Variants in AHDC1 observed in about 807,000 individuals in gnomAD.
AHDC1 encodes AT-hook DNA binding motif containing 1.
A neutral mutation model predicts 87.9 loss-of-function variants in AHDC1; 7 were observed. The ratio of observed to expected loss-of-function variants is 0.08; its 90% CI spans 0.05 to 0.15. The LOEUF (loss-of-function observed/expected upper bound fraction) is 0.15, where lower values mean the gene tolerates loss of function less well. Ranked by LOEUF, AHDC1 falls within the 10% of genes least tolerant of loss-of-function variation. The pLI, the probability that AHDC1 is intolerant of heterozygous loss-of-function variation, is 1.00. For missense variants in AHDC1, 1,841 were observed against 2,253.2 expected, an observed-to-expected ratio of 0.82 and a Z score of 3.70; for synonymous variants, 1,051 against 1,006.8, an observed-to-expected ratio of 1.04 and a Z score of -0.83.
In AHDC1 at chr1:27,547,380, C is replaced by T. The variant is rs777034610; in HGVS notation, c.4736G>A (p.Gly1579Glu). The change falls in exon 8 of 9, where the codon GGG (glycine) becomes GAG (glutamate). Residue 1579 changes from glycine to glutamate, a missense_variant. Gly to Glu is a moderately conservative substitution (Grantham distance 98). Around this residue, in one of 13 missense-constraint regions of AHDC1, gnomAD observed 505 missense variants for 626.2 expected, o/e 0.81. Transcript: ENST00000673934. This position sits in a 1 kb window ranked among gnomAD's most constrained non-coding sequence, Gnocchi z 4.9. ...FMPQAHPGLG[G>E]GPKSGFLGPM... ...CCCCAGGAAGCCGCTCTTGGGGCCC[C>T]CACCCAGGCCAGGATGCGCCTGGGG... 10 of 1,554,564 alleles carry T rather than the reference C, an allele frequency of 6.4e-6. No homozygotes were observed. In the East Asian group the frequency reaches 1.8e-4, roughly 28 times the overall value.
At chr1:27,538,123 C>T (rs1206990284) in intron 8 of AHDC1, among the ~76,000 whole-genome samples, 1 of 151,926 alleles carries the variant, frequency 6.6e-6, no homozygotes, top group Non-Finnish European at 1.5e-5. Context: ...TGCATGAGGC[C>T]GGGCAGGGTG....
chr1:27,580,421 C>T (rs2088872605), intron 3 of AHDC1, among the ~76,000 whole-genome samples: 1 of 152,186 alleles, frequency 6.6e-6, no homozygotes, highest in Non-Finnish European at 1.5e-5. Context: ...GGCACCACTA[C>T]CCCTCTTCCC....
chr1:27,596,422 G>T (rs765922279), intron 3 of AHDC1, among the ~76,000 whole-genome samples: 4 of 152,082 alleles, frequency 2.6e-5, no homozygotes, highest in Non-Finnish European at 5.9e-5. Context: ...AACCACTGAC[G>T]CCAGAAGAGA....
chr1:27,563,285 A>T lies in AHDC1; in HGVS notation c.-628-4402T>A, dbSNP rs2020180458. Among the ~76,000 whole-genome samples the T allele has an allele frequency of 6.6e-6, 1 of 151,588 alleles. No individual in the cohort carries two copies. Among genetic ancestry groups the T allele is most frequent in the Non-Finnish European group, 1.5e-5 (1 of 67,872 alleles). ...CACCCACACAAAGAACCTGTCACAT[A>T]GTTGACCAAGACACACACACATGCA... On this transcript the variant is annotated intron_variant, in intron 3 of 8. Transcript: ENST00000673934. The surrounding 1 kb of genome is among the most constrained non-coding windows in gnomAD (Gnocchi z 6.1).
Position 27,561,087 on chromosome 1 carries a change from T to G in AHDC1, c.-628-2204A>C, listed in dbSNP as rs1234483742. Among the ~76,000 whole-genome samples the G allele has an allele frequency of 6.6e-6, 1 of 152,144 alleles. No homozygotes were observed. Among genetic ancestry groups the G allele is most frequent in the Non-Finnish European group, 1.5e-5 (1 of 68,026 alleles). The stretch of plus-strand genomic sequence containing the variant: ...CTCCCTCCTCTGATCTGTCCCCCCT[T>G]TCCCTGTGGTTGGGTGGGCACAGAA... On this transcript the variant is annotated intron_variant, in intron 3 of 8. Coordinates refer to ENST00000673934, the MANE Select transcript of AHDC1 (RefSeq NM_001371928.1). This position sits in a 1 kb window ranked among gnomAD's most constrained non-coding sequence, Gnocchi z 4.2.
At chr1:27,596,769 CCA>C (rs1321690937) in intron 3 of AHDC1, among the ~76,000 whole-genome samples, 3 of 152,018 alleles carry the variant, frequency 2.0e-5, no homozygotes, top group Non-Finnish European at 2.9e-5. Flanking sequence ...CCTGCAAAAC[CCA>C]CAGTTACACA....
intron 3 of AHDC1, among the ~76,000 whole-genome samples, chr1:27,586,062 A>G (rs2089047469): frequency 6.6e-6 from 1 of 152,148 alleles, no homozygotes; most frequent in Admixed American, 6.5e-5. Flanking sequence ...GGGGTGGGGG[A>G]GAGGGGAAAG....
Position 27,547,845 on chromosome 1 carries a change from G to A in AHDC1, c.4271C>T (p.Pro1424Leu). ...GGCCCCCTGGAGTCCATGCTTGAGGGGCTCGCAGGCAGCCAGCTTTGTGGG... is the reference window on the plus strand; with the variant it reads ...GGCCCCCTGGAGTCCATGCTTGAGGAGCTCGCAGGCAGCCAGCTTTGTGGG... The part of the protein sequence containing the change: ...PPPTKLAACE[P>L]LKHGLQGASL... Residue 1424 changes from proline (P) to leucine (L), a missense_variant, in exon 8 of 9, where the codon CCC (proline) becomes CTC (leucine). By Grantham distance (98) the Pro-to-Leu change is moderately conservative. Coordinates refer to ENST00000673934, the MANE Select transcript of AHDC1 (RefSeq NM_001371928.1). The surrounding 1 kb of genome is among the most constrained non-coding windows in gnomAD (Gnocchi z 4.9). 6.5e-7 allele frequency: 1 copy of A among 1,548,614 alleles called. No homozygotes were observed. The highest frequency in any genetic ancestry group is 8.7e-7 in the Non-Finnish European group (1 of 1,144,970).
rs969051430 is a variant in AHDC1, at chr1:27,581,181, G to T, written c.-629+22216C>A. On this transcript the variant is annotated intron_variant, in intron 3 of 8. Transcript: ENST00000673934. ...GTCTCGCTCTGTATCCCAGGGTGGA[G>T]TGTAGTGGCGTGATCATAGCTCACT... Among the ~76,000 whole-genome samples, 21 of 152,194 alleles carry T rather than the reference G, an allele frequency of 1.4e-4. 1 individual carries two copies. The highest frequency in any genetic ancestry group is 8.5e-4 in the Admixed American group (13 of 15,286).
chr1:27,586,197 A>G (rs968833755), intron 3 of AHDC1, among the ~76,000 whole-genome samples: 1 of 152,198 alleles, frequency 6.6e-6, no homozygotes, highest in Non-Finnish European at 1.5e-5. Flanking sequence ...GTTTCTTGAG[A>G]GACAGGCAGG....
intron 3 of AHDC1, among the ~76,000 whole-genome samples, chr1:27,589,690 A>G (rs908474660): frequency 1.3e-5 from 2 of 152,138 alleles, no homozygotes; most frequent in African/African-American, 4.8e-5. Flanking sequence ...GACCAAGGAT[A>G]TGTGTGTGTC....
Position 27,554,415 on chromosome 1 carries a change from G to A in AHDC1, c.-224-1230C>T, listed in dbSNP as rs184734653. On this transcript the variant is annotated intron_variant, in intron 5 of 8. Coordinates refer to ENST00000673934, the MANE Select transcript of AHDC1 (RefSeq NM_001371928.1). ...CCCCCACAAGAGTGTGGGCTCTTCA[G>A]GAGCAGGGATCACATCTGTCTTGTT... is the stretch of plus-strand genomic sequence containing the variant. Among the ~76,000 whole-genome samples, 4 of 152,322 alleles carry A rather than the reference G, an allele frequency of 2.6e-5. No homozygotes were observed. In the East Asian group the frequency reaches 7.7e-4, roughly 29 times the overall value.
Position 27,548,660 on chromosome 1 carries a change from C to A in AHDC1, c.3456G>T (p.Lys1152Asn), listed in dbSNP as rs770843518. The A allele has an allele frequency of 6.2e-7, 1 of 1,613,470 alleles. No homozygotes were observed. Among genetic ancestry groups the A allele is most frequent in the East Asian group, 2.2e-5 (1 of 44,882 alleles). ...ILDISNYTPQ[K>N]VKQQTAVSET... ...CCGACACAGCCGTCTGCTGCTTCACCTTCTGCGGTGTGTAGTTGGAGATGT... is the reference window on the plus strand; with the variant it reads ...CCGACACAGCCGTCTGCTGCTTCACATTCTGCGGTGTGTAGTTGGAGATGT... Residue 1152 changes from lysine (K) to asparagine (N), a missense_variant, in exon 8 of 9, where the codon AAG becomes AAT. Coordinates refer to ENST00000673934, the MANE Select transcript of AHDC1 (RefSeq NM_001371928.1).
At chr1:27,543,976 C>T (rs2019052470) in intron 8 of AHDC1, among the ~76,000 whole-genome samples, 1 of 151,752 alleles carries the variant, frequency 6.6e-6, no homozygotes, top group African/African-American at 2.4e-5. Flanking sequence ...TAGGGATTGT[C>T]CAATCCAACC....
Position 27,560,045 on chromosome 1 carries a change from G to T in AHDC1, c.-628-1162C>A, listed in dbSNP as rs1368922054. ...TGTGTGGGTACATGTGGGCTTAAGC[G>T]TGTCCATGTGTGGGATCACGCGTTT... On this transcript the variant is annotated intron_variant, in intron 3 of 8. Coordinates refer to ENST00000673934, the MANE Select transcript of AHDC1 (RefSeq NM_001371928.1). The surrounding 1 kb of genome is among the most constrained non-coding windows in gnomAD (Gnocchi z 4.1). Among the ~76,000 whole-genome samples the T allele has an allele frequency of 6.6e-6, 1 of 152,198 alleles. No individual in the cohort carries two copies. The highest frequency in any genetic ancestry group is 2.4e-5 in the African/African-American group (1 of 41,436).
In AHDC1 at chr1:27,548,265, T is replaced by C; in HGVS notation, c.3851A>G (p.Lys1284Arg). The C allele has an allele frequency of 6.2e-7, 1 of 1,610,990 alleles. No individual in the cohort carries two copies. The highest frequency in any genetic ancestry group is 1.1e-5 in the South Asian group (1 of 91,048). Residue 1284 changes from lysine (K) to arginine (R), a missense_variant, in exon 8 of 9, where the codon AAG becomes AGG. Coordinates refer to ENST00000673934, the MANE Select transcript of AHDC1 (RefSeq NM_001371928.1). ...GRGGGACSAK[K>R]ERGGAAAKAK... ...TTTGGCCGCTGCGCCACCCCGCTCC[T>C]TCTTGGCTGAGCAGGCCCCACCGCC...
rs751027836 is a variant in AHDC1 at position 27,551,868 on chromosome 1, G to A, written c.248C>T (p.Pro83Leu). The change falls in exon 8 of 9, where the codon CCG becomes CTG. Residue 83 changes from proline to leucine, a missense_variant. Transcript: ENST00000673934. ...RPPVLAKGDD[P>L]LPPRAARPVS... ...AGGACGGGCTGCCCGTGGGGGCAGC[G>A]GGTCGTCCCCCTTGGCAAGGACTGG... 6.8e-6 allele frequency: 11 copies of A among 1,608,788 alleles called. No individual in the cohort carries two copies. Among genetic ancestry groups the A allele is most frequent in the South Asian group, 2.2e-5 (2 of 90,910 alleles).
At chr1:27,591,885 A>C (rs1281247138) in intron 3 of AHDC1, among the ~76,000 whole-genome samples, 1 of 152,198 alleles carries the variant, frequency 6.6e-6, no homozygotes. Context: ...CCTGACACAT[A>C]ATAAGTGCTT....
Position 27,563,621 on chromosome 1 carries a change from AATGTCACCCCAG to A in AHDC1, c.-628-4750_-628-4739del, listed in dbSNP as rs2020196651. Among the ~76,000 whole-genome samples, 1 of 152,166 alleles carries A rather than the reference AATGTCACCCCAG, an allele frequency of 6.6e-6. No homozygotes were observed. The highest frequency in any genetic ancestry group is 1.5e-5 in the Non-Finnish European group (1 of 68,026). On this transcript the variant is annotated intron_variant, in intron 3 of 8. Coordinates refer to ENST00000673934, the MANE Select transcript of AHDC1 (RefSeq NM_001371928.1). This position sits in a 1 kb window ranked among gnomAD's most constrained non-coding sequence, Gnocchi z 6.1. ...GAGGCGTCACAGCTCACACGGCATG[AATGTCACCCCAG>A]CACTGCCAGAGCCGGGCACAGCCAC...
Sources: allele counts gnomAD v4.1 joint callset (sites outside exome capture counted in the v4.1 genomes callset), GRCh38; gene constraint gnomAD v4.1.1; regional missense constraint gnomAD v4.1.1; non-coding constraint Gnocchi (gnomAD v3.1); transcripts MANE v1.5; gene names NCBI Gene and HGNC (gene_info 2026-07-23, HGNC 2026-07-21).